The following KCTD1 variants were observed in gnomAD, a reference collection of about 807,000 sequenced individuals.
KCTD1 encodes the protein BTB/POZ domain-containing protein KCTD1.
In KCTD1, 24 loss-of-function variants were observed where a neutral mutation model predicts 66.0. That is an observed-to-expected ratio of 0.36 (90% CI 0.26 to 0.51). The LOEUF is 0.51. Ranked by LOEUF, KCTD1 falls within the 20% of genes least tolerant of loss-of-function variation. The pLI, the probability that KCTD1 is intolerant of heterozygous loss-of-function variation, is 0.95. For synonymous variants in KCTD1, 511 were observed against 517.2 expected (o/e 0.99, Z 0.16); for missense variants, 943 against 1,205.2 (o/e 0.78, Z 3.22).
intron 1 of KCTD1, among the ~76,000 whole-genome samples, chr18:26,517,915 A>G (rs747916735): frequency 2.5e-4 from 38 of 152,354 alleles, no homozygotes; most frequent in Middle Eastern, 3.4e-3. Flanking sequence ...CTGCAGCTAC[A>G]AGAGACAGAC....
chr18:26,640,008 G>A (rs1451154861), intron 1 of KCTD1, among the ~76,000 whole-genome samples: 1 of 152,176 alleles, frequency 6.6e-6, no homozygotes, highest in Non-Finnish European at 1.5e-5. Flanking sequence ...GCAGGAAGGA[G>A]CTTGTGTTGG....
At chr18:26,631,279 G>A (rs1048416099), upstream of KCTD1, among the ~76,000 whole-genome samples, 1 of 152,086 alleles carries the variant, frequency 6.6e-6, no homozygotes, top group Non-Finnish European at 1.5e-5. Flanking sequence ...TGTGTTATTA[G>A]GCAATTTTGT....
At chr18:26,652,619 G>C (rs1988057504) in intron 1 of KCTD1, among the ~76,000 whole-genome samples, 1 of 152,144 alleles carries the variant, frequency 6.6e-6, no homozygotes, top group Non-Finnish European at 1.5e-5. Context: ...TGGATAAATG[G>C]AACCACATGG....
At chr18:26,516,535 C>T (rs1983664149) in intron 1 of KCTD1, among the ~76,000 whole-genome samples, 1 of 152,028 alleles carries the variant, frequency 6.6e-6, no homozygotes, top group African/African-American at 2.4e-5. Context: ...GATCCTTGGC[C>T]CTGATGGAAT....
At position 26,617,385 on chromosome 18, in the gene KCTD1, C is replaced by T. The variant is rs1057363462; in HGVS notation, c.-16+11762G>A. On this transcript the variant is annotated intron_variant, in intron 1 of 4. Coordinates refer to the KCTD1 transcript ENST00000317932. ...ACAAAGATGTGTATCATAGCTGACG[C>T]TCCTCAACATATCTCTCTCCCATGC... Among the ~76,000 whole-genome samples, 11 of 152,348 alleles carry T rather than the reference C, an allele frequency of 7.2e-5. No homozygotes were observed. In the South Asian group the frequency reaches 8.3e-4, roughly 11 times the overall value.
intron 1 of KCTD1, among the ~76,000 whole-genome samples, chr18:26,637,000 A>T (rs914651905): frequency 1.3e-5 from 2 of 152,190 alleles, no homozygotes; most frequent in African/African-American, 4.8e-5. Flanking sequence ...TGAAGCGGGG[A>T]TTCCTCCCAC....
chr18:26,613,101 G>A (rs1457621637), intron 1 of KCTD1, among the ~76,000 whole-genome samples: 1 of 152,206 alleles, frequency 6.6e-6, no homozygotes, highest in African/African-American at 2.4e-5. Flanking sequence ...CTAGTCCCCT[G>A]TGCATGACAG....
intron 1 of KCTD1, among the ~76,000 whole-genome samples, chr18:26,596,785 G>A (rs964113524): frequency 4.6e-5 from 7 of 152,270 alleles, no homozygotes; most frequent in African/African-American, 1.4e-4. Context: ...CATTGCTACT[G>A]TTGTTAAGAA....
intron 1 of KCTD1, among the ~76,000 whole-genome samples, chr18:26,656,993 C>T (rs1988166150): frequency 1.3e-5 from 2 of 149,516 alleles, no homozygotes; most frequent in Admixed American, 6.6e-5. Context: ...CACGGGCTCC[C>T]AGAGCCACGG....
intron 3 of KCTD1, among the ~76,000 whole-genome samples, chr18:26,469,849 C>G (rs975044546): frequency 1.3e-5 from 2 of 152,014 alleles, no homozygotes; most frequent in African/African-American, 4.8e-5. Context: ...TAAAAATGTC[C>G]CTGCCTGGAG....
Position 26,582,775 on chromosome 18 carries a change from G to T in KCTD1, c.-16+46372C>A, listed in dbSNP as rs748616479. Among the ~76,000 whole-genome samples, 8 of 151,592 alleles carry T rather than the reference G, an allele frequency of 5.3e-5. No homozygotes were observed. In the East Asian group the frequency reaches 1.5e-3, roughly 29 times the overall value. The stretch of plus-strand genomic sequence containing the variant: ...AACATACGTTAAGTATGAAAAAGTA[G>T]AATGAGCATGTATAGAATAACACCA... On this transcript the variant is annotated intron_variant, in intron 1 of 4. Coordinates refer to the KCTD1 transcript ENST00000317932.
chr18:26,519,121 G>A (rs182180480), intron 1 of KCTD1, among the ~76,000 whole-genome samples: 9 of 152,168 alleles, frequency 5.9e-5, no homozygotes, highest in Admixed American at 4.6e-4. Flanking sequence ...TCTCAATTAA[G>A]ACATGGTAAA....
At chr18:26,516,872 C>T (rs1387294040) in intron 1 of KCTD1, among the ~76,000 whole-genome samples, 2 of 152,136 alleles carry the variant, frequency 1.3e-5, no homozygotes, top group East Asian at 3.9e-4. Flanking sequence ...TGATTTGTTA[C>T]CTACCCATCC....
At chr18:26,561,878 G>C (rs1985859452) in intron 1 of KCTD1, among the ~76,000 whole-genome samples, 1 of 152,186 alleles carries the variant, frequency 6.6e-6, no homozygotes, top group Non-Finnish European at 1.5e-5. Context: ...GCTGGCGTGA[G>C]CACCTGCTGA....
chr18:26,466,026 GCCT>G (rs1980712410), intron 3 of KCTD1, among the ~76,000 whole-genome samples: 1 of 146,384 alleles, frequency 6.8e-6, no homozygotes, highest in African/African-American at 2.6e-5. Flanking sequence ...GCGAGTGGGG[GCCT>G]ATCCAGGTCG....
chr18:26,634,699 T>C (rs987380630), intron 1 of KCTD1, among the ~76,000 whole-genome samples: 13 of 152,250 alleles, frequency 8.5e-5, no homozygotes, highest in Non-Finnish European at 1.6e-4. Flanking sequence ...TTCAGAGCTC[T>C]GTAATTGGAC....
chr18:26,629,088 C>T, intron 1 of KCTD1: 1 of 785,394 alleles, frequency 1.3e-6, no homozygotes, highest in Non-Finnish European at 1.5e-6. Flanking sequence ...TCTGGCTTTG[C>T]AGATGGCAAC....
intron 1 of KCTD1, among the ~76,000 whole-genome samples, chr18:26,570,879 G>A (rs1986091814): frequency 6.6e-6 from 1 of 152,218 alleles, no homozygotes; most frequent in Admixed American, 6.5e-5. Context: ...CCTCAGTCAT[G>A]TATAGCTCTA....
chr18:26,551,108 C>T (rs1985551170), upstream of KCTD1, among the ~76,000 whole-genome samples: 1 of 152,244 alleles, frequency 6.6e-6, no homozygotes, highest in East Asian at 1.9e-4. Context: ...GCTCCCCTCC[C>T]TACTGGGCGA....
Sources: gnomAD v4.1 joint callset for allele counts (sites outside exome capture counted in the v4.1 genomes callset) on GRCh38, gnomAD v4.1.1 for gene constraint, MANE v1.5 for transcripts, NCBI Gene and HGNC (gene_info 2026-07-23, HGNC 2026-07-21) for gene names.